WEE1: variants seen among roughly 807,000 people sequenced by gnomAD.
WEE1 encodes WEE1 G2 checkpoint kinase.
A neutral mutation model predicts 68.8 loss-of-function variants in WEE1; 16 were observed. The ratio of observed to expected loss-of-function variants is 0.23; its 90% CI spans 0.16 to 0.35. The LOEUF is 0.35. Ranked by LOEUF, WEE1 falls within the 10% of genes least tolerant of loss-of-function variation. The probability of loss-of-function intolerance (pLI) is 1.00; values close to 1 mark genes in which losing one functional copy is unlikely to be tolerated. For synonymous variants in WEE1, 349 were observed against 318.7 expected (o/e 1.09, Z -1.01); for missense variants, 651 against 824.1 (o/e 0.79, Z 2.57).
At position 9,588,505 on chromosome 11, in the gene WEE1, C is replaced by G. The variant is rs991795889; in HGVS notation, c.1844C>G (p.Thr615Ser). The stretch of plus-strand genomic sequence containing the variant: ...GCAGCTGAGGAAAGAGCACTCTTCA[C>G]TGACCGGATGGCCACTAGGTCCACC... Reference protein sequence around the residue: ...KAAAEERALFTDRMATRSTTQ... With the variant: ...KAAAEERALFSDRMATRSTTQ... The change falls in exon 11 of 11, where the codon ACT (threonine) becomes AGT (serine). Residue 615 changes from threonine (T) to serine (S), a missense_variant. This residue lies in a region of WEE1 where 115 missense variants were observed against 142.7 expected (regional missense o/e 0.81). Coordinates refer to ENST00000450114, the MANE Select transcript of WEE1 (RefSeq NM_003390.4). The G allele has an allele frequency of 1.2e-6, 2 of 1,612,184 alleles. No homozygotes were observed. Among genetic ancestry groups the G allele is most frequent in the African/African-American group, 2.7e-5 (2 of 74,904 alleles).
At chr11:9,580,104 A>G (rs982027662) in intron 5 of WEE1, 1 of 152,268 alleles carries the variant, frequency 6.6e-6, no homozygotes, top group Non-Finnish European at 1.5e-5. Flanking sequence ...AGTATAAATT[A>G]TAACTATACT....
At chr11:9,583,324 A>T (rs1849649657) in intron 6 of WEE1, among the ~76,000 whole-genome samples, 1 of 150,180 alleles carries the variant, frequency 6.7e-6, no homozygotes, top group Non-Finnish European at 1.5e-5. Flanking sequence ...AAAAAAGAAA[A>T]AAAAAATTCG....
chr11:9,585,553 A>T (rs1849691331), intron 8 of WEE1, 26 bp downstream of exon 8: 1 of 1,542,916 alleles, frequency 6.5e-7, no homozygotes, highest in Non-Finnish European at 8.7e-7. Flanking sequence ...CCTTAATCAT[A>T]GTTTGCTTTG....
At chr11:9,577,932 T>C in intron 5 of WEE1, 1 of 455,720 alleles carries the variant, frequency 2.2e-6, no homozygotes, top group South Asian at 1.6e-5. Flanking sequence ...TCTCTCCTTT[T>C]CTATTAAAAA....
intron 6 of WEE1, among the ~76,000 whole-genome samples, chr11:9,583,539 C>T (rs1244438301): frequency 7.5e-5 from 11 of 147,536 alleles, no homozygotes; most frequent in East Asian, 2.1e-4. Flanking sequence ...TGCTTGAACC[C>T]GGGAGGAGGA....
chr11:9,586,056 T>C (rs1849696331), intron 8 of WEE1, among the ~76,000 whole-genome samples: 1 of 152,216 alleles, frequency 6.6e-6, no homozygotes, highest in Non-Finnish European at 1.5e-5. Flanking sequence ...ATCCCATTGC[T>C]CTTTGTAAAT....
At position 9,586,446 on chromosome 11, in the gene WEE1, C is replaced by T; in HGVS notation, c.1471-3C>T. 6.3e-7 allele frequency: 1 copy of T among 1,595,670 alleles called. No individual in the cohort carries two copies. Among genetic ancestry groups the T allele is most frequent in the Non-Finnish European group, 8.5e-7 (1 of 1,171,406 alleles). ...CCTTTAAAAAATTGTTTTAATTTTACAGAATTATACCCATCTACCAAAAGC... is the reference window on the plus strand; with the variant it reads ...CCTTTAAAAAATTGTTTTAATTTTATAGAATTATACCCATCTACCAAAAGC... On this transcript the variant is annotated splice_polypyrimidine_tract_variant and splice_region_variant and intron_variant, in intron 8 of 10. Coordinates refer to ENST00000450114, the MANE Select transcript of WEE1 (RefSeq NM_003390.4).
At chr11:9,577,531 A>G in intron 5 of WEE1, 1 of 400,548 alleles carries the variant, frequency 2.5e-6, no homozygotes. Flanking sequence ...CTCGACACAT[A>G]TATTTTGGTG....
chr11:9,577,611 G>C, intron 5 of WEE1: 1 of 324,226 alleles, frequency 3.1e-6, no homozygotes, highest in Non-Finnish European at 6.0e-6. Flanking sequence ...GATTCTTCCT[G>C]TGTCTGGTCT....
At position 9,575,463 on chromosome 11, in the gene WEE1, G is replaced by T. The variant is rs1849555691; in HGVS notation, c.577-425G>T. ...AGCTGTACTGTTTATTGGCCGACTTGCTCAAGGCAAAATCCCTCTGGAAGT... is the reference window on the plus strand; with the variant it reads ...AGCTGTACTGTTTATTGGCCGACTTTCTCAAGGCAAAATCCCTCTGGAAGT... On this transcript the variant is annotated intron_variant, in intron 1 of 10. Transcript: ENST00000450114. The T allele has an allele frequency of 2.4e-5, 24 of 979,782 alleles. No homozygotes were observed. The South Asian group carries it at 8.0e-4, about 33-fold the overall frequency. The allele number at this position is 979,782 out of a possible 1,614,324, so 60.7% of individuals were successfully genotyped here. A position where few individuals can be genotyped will look rare whatever the true frequency, so the allele number is the denominator to read the frequency against.
At chr11:9,577,598 A>G (rs1467041475) in intron 5 of WEE1, 2 of 326,126 alleles carry the variant, frequency 6.1e-6, no homozygotes, top group African/African-American at 2.2e-5. Flanking sequence ...GTTAAGTTGA[A>G]TAGATTCTTC....
rs1289084533 is a variant in WEE1, at chr11:9,573,887, C to T, written c.-47C>T. The T allele has an allele frequency of 2.5e-6, 3 of 1,216,262 alleles. No homozygotes were observed. Among genetic ancestry groups the T allele is most frequent in the Non-Finnish European group, 3.1e-6 (3 of 976,428 alleles). 75.3% of individuals were successfully genotyped at this position (1,216,262 alleles called of 1,614,324 possible). A position where few individuals can be genotyped will look rare whatever the true frequency, so the allele number is the denominator to read the frequency against. ...CCCCAGGCCCGCAGTGTCCTGGACC[C>T]CGCAGGCCTCCGCTCTCCTGTCCTC... is the stretch of plus-strand genomic sequence containing the variant. On this transcript the variant is annotated 5_prime_UTR_variant, in exon 1 of 11. Transcript: ENST00000450114.
chr11:9,575,339 C>CATTT (rs1235129312), intron 1 of WEE1: 2 of 988,718 alleles, frequency 2.0e-6, no homozygotes. Flanking sequence ...ACAAGCCTCG[C>CATTT]ATTTGTAAGG....
intron 5 of WEE1, chr11:9,577,700 GTTTC>G (rs1849579216): frequency 3.1e-6 from 1 of 323,912 alleles, no homozygotes; most frequent in Non-Finnish European, 6.0e-6. Context: ...AAATTCAGCT[GTTTC>G]TTTAAGCATT....
chr11:9,578,735 A>C (rs1200567420), intron 5 of WEE1: 1 of 152,128 alleles, frequency 6.6e-6, no homozygotes. Flanking sequence ...CTACCAATAC[A>C]TGGTTGTGTA....
rs755618904 is a variant in WEE1 at position 9,586,562 on chromosome 11, G to C, written c.1584G>C (p.Gln528His). Residue 528 changes from glutamine to histidine, a missense_variant, in exon 9 of 11, where the codon CAG becomes CAC. Gln to His is a conservative substitution (Grantham distance 24). Coordinates refer to ENST00000450114, the MANE Select transcript of WEE1 (RefSeq NM_003390.4). ...RNGDQWHEIRQGRLPRIPQVL... is the reference protein window; with the variant it reads ...RNGDQWHEIRHGRLPRIPQVL... ...GAGATCAATGGCATGAAATCAGACA[G>C]GGTAGATTACCTCGGATACCACAAG... 1 of 1,614,130 alleles carries C rather than the reference G, an allele frequency of 6.2e-7. No homozygotes were observed. Among genetic ancestry groups the C allele is most frequent in the Non-Finnish European group, 8.5e-7 (1 of 1,180,026 alleles).
rs1565091804 is a variant in WEE1, at chr11:9,588,723, C to G, written c.*121C>G. On this transcript the variant is annotated 3_prime_UTR_variant, in exon 11 of 11. Transcript: ENST00000450114. ...GTGTCAGTAGTTTTACTGATTAGGACTTTTATTGTGAATTACAGTTGAAAG... is the reference window on the plus strand; with the variant it reads ...GTGTCAGTAGTTTTACTGATTAGGAGTTTTATTGTGAATTACAGTTGAAAG... 7.3e-7 allele frequency: 1 copy of G among 1,369,480 alleles called. No individual in the cohort carries two copies. The highest frequency in any genetic ancestry group is 9.4e-7 in the Non-Finnish European group (1 of 1,060,722). 84.8% of individuals were successfully genotyped at this position (1,369,480 alleles called of 1,614,324 possible).
At chr11:9,575,675 A>T (rs1321383315) in intron 1 of WEE1, 1 of 574,626 alleles carries the variant, frequency 1.7e-6, no homozygotes, top group Non-Finnish European at 3.0e-6. Flanking sequence ...GGCAGATTTT[A>T]CTTGGCTATT....
intron 10 of WEE1, 103 bp downstream of exon 10, chr11:9,586,959 G>A: frequency 1.5e-6 from 2 of 1,295,126 alleles, no homozygotes; most frequent in Non-Finnish European, 2.1e-6. Flanking sequence ...GGATGTAGTG[G>A]TTTTTTGTGT....
Sources: gnomAD v4.1 joint callset for allele counts (sites outside exome capture counted in the v4.1 genomes callset) on GRCh38, gnomAD v4.1.1 for gene constraint, gnomAD v4.1.1 regional missense constraint, MANE v1.5 for transcripts, NCBI Gene and HGNC (gene_info 2026-07-23, HGNC 2026-07-21) for gene names.